The following SKAP2 variants were observed in gnomAD, a reference collection of about 807,000 sequenced individuals.
SKAP2 encodes src kinase associated phosphoprotein 2, also known as src kinase-associated phosphoprotein 2.
In SKAP2, 28 loss-of-function variants were observed where a neutral mutation model predicts 54.9. The observed-to-expected ratio is 0.51, with a 90% CI of 0.38 to 0.70. The LOEUF is 0.70. Among genes scored for constraint, SKAP2 ranks in the 30% least tolerant of loss-of-function variants. SKAP2 has a pLI of 0.00. For synonymous variants in SKAP2, 137 were observed against 134.3 expected, an observed-to-expected ratio of 1.02 and a Z score of -0.14; for missense variants, 356 against 424.1, an observed-to-expected ratio of 0.84 and a Z score of 1.41.
intron 11 of SKAP2, among the ~76,000 whole-genome samples, chr7:26,681,005 G>A (rs1192900129): frequency 2.6e-5 from 4 of 152,060 alleles, no homozygotes; most frequent in Non-Finnish European, 2.9e-5. Context: ...CAGGTTGACT[G>A]AGCACAGCTA....
At chr7:26,799,962 C>CA (rs79221061) in intron 4 of SKAP2, among the ~76,000 whole-genome samples, 12,502 of 143,264 alleles carry the variant, frequency 0.087, 580 homozygotes, top group Middle Eastern at 0.16. Context: ...ACTAAAAATA[C>CA]AAAAAAAAAA....
At position 26,721,342 on chromosome 7, in the gene SKAP2, C is replaced by A. The variant is rs550302792; in HGVS notation, c.796+4086G>T. On this transcript the variant is annotated intron_variant, in intron 9 of 12. Coordinates refer to ENST00000345317, the MANE Select transcript of SKAP2 (RefSeq NM_003930.5). Reference sequence around the variant, plus strand: ...TGTGTCCATTTGCTGTAAACTACTTCAAATTAAAGTACCCAAACACTGTTC... The same window carrying A: ...TGTGTCCATTTGCTGTAAACTACTTAAAATTAAAGTACCCAAACACTGTTC... Among the ~76,000 whole-genome samples the A allele has an allele frequency of 2.7e-3, 407 of 152,148 alleles. 1 individual carries two copies. Among genetic ancestry groups the A allele is most frequent in the Non-Finnish European group, 2.4e-3 (161 of 67,978 alleles).
chr7:26,684,189 T>C (rs1212594722), intron 11 of SKAP2, among the ~76,000 whole-genome samples: 3 of 152,170 alleles, frequency 2.0e-5, no homozygotes, highest in Non-Finnish European at 2.9e-5. Flanking sequence ...GATGGGTTTA[T>C]AGAATTATAC....
At chr7:26,734,739 G>A (rs955359163) in intron 6 of SKAP2, among the ~76,000 whole-genome samples, 3 of 152,108 alleles carry the variant, frequency 2.0e-5, no homozygotes, top group Non-Finnish European at 2.9e-5. Context: ...TGGCGGAAAG[G>A]CAAGAGAGGG....
At chr7:26,857,519 C>T in intron 1 of SKAP2, 1 of 985,308 alleles carries the variant, frequency 1.0e-6, no homozygotes, top group Non-Finnish European at 1.2e-6. Flanking sequence ...GTGCCGGTGG[C>T]GTTCGGCCGG....
intron 11 of SKAP2, among the ~76,000 whole-genome samples, chr7:26,673,553 A>T (rs1374234587): frequency 6.6e-6 from 1 of 152,008 alleles, no homozygotes; most frequent in East Asian, 1.9e-4. Context: ...CAAGATCCAG[A>T]GGTGTAGTGA....
chr7:26,745,320 T>C (rs187755932), intron 4 of SKAP2, among the ~76,000 whole-genome samples: 4 of 152,390 alleles, frequency 2.6e-5, no homozygotes, highest in Admixed American at 6.5e-5. Context: ...CCACATGATG[T>C]GAGTTTTCCC....
intron 3 of SKAP2, among the ~76,000 whole-genome samples, chr7:26,853,202 A>C (rs1316905330): frequency 6.6e-6 from 1 of 152,126 alleles, no homozygotes; most frequent in East Asian, 1.9e-4. Context: ...TGAAACTGTT[A>C]CCACCTTCTC....
At chr7:26,731,124 A>C (rs1787817193) in intron 6 of SKAP2, among the ~76,000 whole-genome samples, 1 of 152,186 alleles carries the variant, frequency 6.6e-6, no homozygotes, top group Non-Finnish European at 1.5e-5. Flanking sequence ...TGTTTTCTAA[A>C]AAGGTGTTTC....
intron 4 of SKAP2, among the ~76,000 whole-genome samples, chr7:26,793,276 G>C (rs1262980604): frequency 6.6e-6 from 1 of 152,152 alleles, no homozygotes; most frequent in African/African-American, 2.4e-5. Context: ...TCTCCAAAAT[G>C]AGAAAAGGTT....
At chr7:26,802,277 G>GC (rs2127985047) in intron 4 of SKAP2, among the ~76,000 whole-genome samples, 1 of 118,346 alleles carries the variant, frequency 8.4e-6, no homozygotes, top group South Asian at 2.9e-4. Context: ...TTTTTTTTTG[G>GC]TTTTTTTTTT....
chr7:26,728,259 T>C lies in SKAP2; in HGVS notation c.470-1253A>G, dbSNP rs547932236. 2.0e-5 allele frequency among the ~76,000 whole-genome samples: 3 copies of C among 152,274 alleles called. No individual in the cohort carries two copies. In the East Asian group the frequency reaches 5.8e-4, roughly 29 times the overall value. On this transcript the variant is annotated intron_variant, in intron 6 of 12. Transcript: ENST00000345317. ...AGATTAGAGAAGCATTTCCCAAAGATATTAATAGGTTTCTGTGATCAAATC... is the reference window on the plus strand; with the variant it reads ...AGATTAGAGAAGCATTTCCCAAAGACATTAATAGGTTTCTGTGATCAAATC...
chr7:26,799,191 T>C lies in SKAP2; in HGVS notation c.307+44839A>G, dbSNP rs534897364. On this transcript the variant is annotated intron_variant, in intron 4 of 12. Transcript: ENST00000345317. ...AACAACCAGAAAATAAGTAACAAAA[T>C]GGCAGGTATTAGTCCTTACTTATCA... 4.0e-5 allele frequency among the ~76,000 whole-genome samples: 6 copies of C among 151,364 alleles called. No homozygotes were observed. In the East Asian group the frequency reaches 1.2e-3, roughly 29 times the overall value.
chr7:26,841,616 A>G (rs1784817888), intron 4 of SKAP2, among the ~76,000 whole-genome samples: 1 of 152,098 alleles, frequency 6.6e-6, no homozygotes, highest in African/African-American at 2.4e-5. Context: ...GCTTGGGGGA[A>G]TAACTGGAAA....
intron 9 of SKAP2, among the ~76,000 whole-genome samples, chr7:26,704,097 A>G (rs1787107691): frequency 6.6e-6 from 1 of 152,246 alleles, no homozygotes; most frequent in Non-Finnish European, 1.5e-5. Context: ...AACACTCTTC[A>G]ATGATAAAAT....
intron 9 of SKAP2, among the ~76,000 whole-genome samples, chr7:26,705,191 A>T (rs1037723216): frequency 6.6e-6 from 1 of 152,164 alleles, no homozygotes; most frequent in South Asian, 2.1e-4. Flanking sequence ...CCCAAATAAC[A>T]ACTGATTTTT....
rs1031285376 is a variant in SKAP2 at position 26,704,048 on chromosome 7, T to C, written c.797-13686A>G. On this transcript the variant is annotated intron_variant, in intron 9 of 12. Coordinates refer to ENST00000345317, the MANE Select transcript of SKAP2 (RefSeq NM_003930.5). ...CACAACATGCAACTTATGAGAAAGT[T>C]AATATCATGATGTCATATTGACATA... is the stretch of plus-strand genomic sequence containing the variant. 2.0e-5 allele frequency among the ~76,000 whole-genome samples: 3 copies of C among 152,372 alleles called. No homozygotes were observed. In the South Asian group the frequency reaches 6.2e-4, roughly 32 times the overall value.
intron 4 of SKAP2, among the ~76,000 whole-genome samples, chr7:26,826,590 C>G (rs988688317): frequency 6.6e-6 from 1 of 152,176 alleles, no homozygotes; most frequent in Non-Finnish European, 1.5e-5. Flanking sequence ...TATCAAAAAT[C>G]TTATTCTCCT....
chr7:26,768,049 A>G (rs1290128760), intron 4 of SKAP2, among the ~76,000 whole-genome samples: 1 of 152,068 alleles, frequency 6.6e-6, no homozygotes, highest in Non-Finnish European at 1.5e-5. Context: ...TCTAATATTG[A>G]CAGTGGAGTG....
Sources: allele counts gnomAD v4.1 joint callset (sites outside exome capture counted in the v4.1 genomes callset), GRCh38; gene constraint gnomAD v4.1.1; transcripts MANE v1.5; gene names NCBI Gene and HGNC (gene_info 2026-07-23, HGNC 2026-07-21).